Variants in CLSTN2 observed in about 807,000 individuals in gnomAD.
The protein encoded by CLSTN2 is calsyntenin 2, also known as calsyntenin-2.
A neutral mutation model predicts 101.2 loss-of-function variants in CLSTN2; 48 were observed. That is an observed-to-expected ratio of 0.47 (90% confidence interval 0.38 to 0.60). CLSTN2 has a LOEUF of 0.60. Ranked by LOEUF, CLSTN2 falls within the 20% of genes least tolerant of loss-of-function variation. The pLI, the probability that CLSTN2 is intolerant of heterozygous loss-of-function variation, is 0.00. For synonymous variants in CLSTN2, 481 were observed against 463.6 expected, an observed-to-expected ratio of 1.04 and a Z score of -0.48; for missense variants, 1,160 against 1,238.2, an observed-to-expected ratio of 0.94 and a Z score of 0.95.
chr3:140,478,423 T>C (rs548723686), intron 8 of CLSTN2, among the ~76,000 whole-genome samples: 5 of 151,886 alleles, frequency 3.3e-5, no homozygotes, highest in African/African-American at 1.2e-4. Context: ...AGATGAACTA[T>C]TGACTCATAC....
At chr3:140,005,942 T>C (rs1319050983) in intron 1 of CLSTN2, among the ~76,000 whole-genome samples, 1 of 152,242 alleles carries the variant, frequency 6.6e-6, no homozygotes, top group Non-Finnish European at 1.5e-5. Flanking sequence ...CACTCTCTAA[T>C]GTAGGCAGCT....
At chr3:140,338,955 T>G (rs1338970951) in intron 2 of CLSTN2, among the ~76,000 whole-genome samples, 2 of 152,048 alleles carry the variant, frequency 1.3e-5, no homozygotes, top group Non-Finnish European at 2.9e-5. Flanking sequence ...CACAGATGAG[T>G]ATTCCCGCCG....
chr3:140,155,378 G>T (rs1181397276), intron 1 of CLSTN2, among the ~76,000 whole-genome samples: 1 of 152,186 alleles, frequency 6.6e-6, no homozygotes, highest in African/African-American at 2.4e-5. Context: ...ACATCCTAGG[G>T]TATTGGCTTG....
intron 1 of CLSTN2, among the ~76,000 whole-genome samples, chr3:140,097,244 T>C (rs2107788364): frequency 6.6e-6 from 1 of 152,296 alleles, no homozygotes; most frequent in East Asian, 1.9e-4. Flanking sequence ...TTGGGTGACT[T>C]ATGGAAGATC....
At chr3:140,009,562 G>T (rs1030345630) in intron 1 of CLSTN2, among the ~76,000 whole-genome samples, 1 of 151,984 alleles carries the variant, frequency 6.6e-6, no homozygotes, top group Non-Finnish European at 1.5e-5. Context: ...TCTGAGACCT[G>T]CTCATTTCTT....
At chr3:140,366,956 G>A (rs2087798856) in intron 2 of CLSTN2, among the ~76,000 whole-genome samples, 1 of 152,186 alleles carries the variant, frequency 6.6e-6, no homozygotes, top group African/African-American at 2.4e-5. Context: ...TCTGCAGGAA[G>A]GCAGGCCAAG....
intron 2 of CLSTN2, among the ~76,000 whole-genome samples, chr3:140,402,456 T>C (rs2088253037): frequency 6.6e-6 from 1 of 152,262 alleles, no homozygotes; most frequent in African/African-American, 2.4e-5. Flanking sequence ...AGGTTTTTTA[T>C]GAAGTTCAAA....
intron 9 of CLSTN2, among the ~76,000 whole-genome samples, chr3:140,532,850 G>T (rs924801109): frequency 1.3e-5 from 2 of 152,156 alleles, no homozygotes; most frequent in Non-Finnish European, 2.9e-5. Context: ...TGAGTGCTAG[G>T]CTGATCAGGA....
chr3:140,288,717 T>C (rs1050265122), intron 2 of CLSTN2, among the ~76,000 whole-genome samples: 2 of 152,228 alleles, frequency 1.3e-5, no homozygotes, highest in Non-Finnish European at 2.9e-5. Context: ...ACTGTCATCA[T>C]GGCTATGGAA....
chr3:140,143,080 C>T (rs144191746), intron 1 of CLSTN2, among the ~76,000 whole-genome samples: 79 of 152,220 alleles, frequency 5.2e-4, no homozygotes, highest in African/African-American at 1.8e-3. Context: ...GCTATGAATT[C>T]CAATAATGTG....
intron 2 of CLSTN2, among the ~76,000 whole-genome samples, chr3:140,293,037 A>C (rs2086969731): frequency 6.6e-6 from 1 of 152,242 alleles, no homozygotes; most frequent in Admixed American, 6.5e-5. Context: ...CCAGAGTGGC[A>C]CATTGATGGA....
intron 10 of CLSTN2, among the ~76,000 whole-genome samples, chr3:140,548,290 T>C (rs1426227371): frequency 6.6e-6 from 1 of 152,192 alleles, no homozygotes; most frequent in East Asian, 1.9e-4. Context: ...ACTACCACAA[T>C]AATTATGAAC....
At position 140,282,416 on chromosome 3, in the gene CLSTN2, G is replaced by A. The variant is rs189313765; in HGVS notation, c.232+106343G>A. Among the ~76,000 whole-genome samples, 40 of 152,184 alleles carry A rather than the reference G, an allele frequency of 2.6e-4. No homozygotes were observed. In the East Asian group the frequency reaches 3.3e-3, roughly 13 times the overall value. On this transcript the variant is annotated intron_variant, in intron 2 of 16. Coordinates refer to ENST00000458420, the MANE Select transcript of CLSTN2 (RefSeq NM_022131.3). ...TGGAGTGTGACCAAGAGCATGAGGCGCCCAGAAAACAGCTGCCACCTTTCC... is the reference window on the plus strand; with the variant it reads ...TGGAGTGTGACCAAGAGCATGAGGCACCCAGAAAACAGCTGCCACCTTTCC...
chr3:140,082,423 A>AGGG (rs1235348181), intron 1 of CLSTN2, among the ~76,000 whole-genome samples: 1 of 152,148 alleles, frequency 6.6e-6, no homozygotes, highest in East Asian at 1.9e-4. Flanking sequence ...TTTGCATTGC[A>AGGG]GGGGACAGGC....
At chr3:140,460,617 G>A (rs1244252883) in intron 7 of CLSTN2, among the ~76,000 whole-genome samples, 1 of 152,176 alleles carries the variant, frequency 6.6e-6, no homozygotes, top group Admixed American at 6.5e-5. Flanking sequence ...GTCACAAGTA[G>A]TTATACAGAC....
At chr3:140,126,918 C>T (rs955271327) in intron 1 of CLSTN2, among the ~76,000 whole-genome samples, 3 of 151,702 alleles carry the variant, frequency 2.0e-5, no homozygotes, top group African/African-American at 4.8e-5. Context: ...GGGTGGGTTG[C>T]AAGTACTGTG....
chr3:140,104,152 T>C (rs1186646205), intron 1 of CLSTN2, among the ~76,000 whole-genome samples: 1 of 152,188 alleles, frequency 6.6e-6, no homozygotes, highest in Non-Finnish European at 1.5e-5. Context: ...AGGATATCTT[T>C]CCTCTCTGCT....
rs140478406 is a variant in CLSTN2, at chr3:140,501,466, G to A, written c.1345-30858G>A. Among the ~76,000 whole-genome samples, 15 of 152,122 alleles carry A rather than the reference G, an allele frequency of 9.9e-5. No individual in the cohort carries two copies. In the East Asian group the frequency reaches 2.7e-3, roughly 27 times the overall value. On this transcript the variant is annotated intron_variant, in intron 8 of 16. Coordinates refer to ENST00000458420, the MANE Select transcript of CLSTN2 (RefSeq NM_022131.3). The stretch of plus-strand genomic sequence containing the variant: ...TAAATGAAATCCTTCAGGAGGCCTC[G>A]GCTCCTCTCCCAGACAAACTCTGTA...
At chr3:140,375,195 GT>G (rs1172056028) in intron 2 of CLSTN2, among the ~76,000 whole-genome samples, 2 of 152,218 alleles carry the variant, frequency 1.3e-5, no homozygotes, top group Non-Finnish European at 2.9e-5. Flanking sequence ...ATCTGACTCA[GT>G]TTTCACTGAA....
Sources: allele counts gnomAD v4.1 joint callset (sites outside exome capture counted in the v4.1 genomes callset), GRCh38; gene constraint gnomAD v4.1.1; transcripts MANE v1.5; gene names NCBI Gene and HGNC (gene_info 2026-07-23, HGNC 2026-07-21).